UPRT: variants seen among roughly 807,000 people sequenced by gnomAD.
UPRT encodes the protein RP11-311P8.3.
A neutral mutation model predicts 22.6 loss-of-function variants in UPRT; 5 were observed. The observed-to-expected ratio is 0.22, with a 90% CI of 0.12 to 0.47. UPRT has a LOEUF of 0.47. Ranked by LOEUF, UPRT falls within the 20% of genes least tolerant of loss-of-function variation. The probability of loss-of-function intolerance (pLI) is 0.99; values close to 1 mark genes in which losing one functional copy is unlikely to be tolerated. For missense variants in UPRT, 181 were observed against 239.9 expected (o/e 0.75, Z 1.62); for synonymous variants, 77 against 87.7 (o/e 0.88, Z 0.68).
At chrX:75,225,323 C>CCA (rs57493246) in intron 4 of UPRT, among the ~76,000 whole-genome samples, 4,446 of 81,679 alleles carry the variant, frequency 0.054, 100 homozygotes, top group East Asian at 0.061. Context: ...AAACCAAAAA[C>CCA]CACACACACA....
At chrX:75,286,063 T>C (rs1244132756) in intron 1 of UPRT, among the ~76,000 whole-genome samples, 2 of 110,702 alleles carry the variant, frequency 1.8e-5, no homozygotes, top group Admixed American at 1.9e-4. Context: ...AAATGAAACA[T>C]TCCTTTGGTT....
chrX:75,165,372 T>TAAAC (rs1484568439), intron 3 of UPRT, among the ~76,000 whole-genome samples: 2 of 111,861 alleles, frequency 1.8e-5, no homozygotes, highest in East Asian at 5.6e-4. Flanking sequence ...ATGTAAAAGG[T>TAAAC]AAACAAGGGC....
intron 4 of UPRT, among the ~76,000 whole-genome samples, chrX:75,250,288 G>T (rs1346423947): frequency 9.1e-6 from 1 of 109,494 alleles, no homozygotes; most frequent in African/African-American, 3.3e-5. Context: ...TTTTTGAAAA[G>T]ATCAACAAAA....
At chrX:75,220,254 AAT>A (rs1277622493) in intron 4 of UPRT, among the ~76,000 whole-genome samples, 1 of 110,857 alleles carries the variant, frequency 9.0e-6, no homozygotes, top group African/African-American at 3.3e-5. Context: ...ATTAGTATAA[AAT>A]ATCATTTTTC....
intron 4 of UPRT, among the ~76,000 whole-genome samples, chrX:75,217,876 A>T (rs2082397936): frequency 1.8e-5 from 2 of 112,329 alleles, no homozygotes; most frequent in Non-Finnish European, 3.8e-5. Context: ...CACCTTATAC[A>T]AAAATTAATT....
rs1356255667 is a variant in UPRT at position 75,300,850 on chromosome X, T to C, written c.725-17T>C. ...ATGTTAAGGTTGCTAATTCATTTGG[T>C]TATCTTTTGATTTCAGGCACTGGAA... is the stretch of plus-strand genomic sequence containing the variant. On this transcript the variant is annotated splice_polypyrimidine_tract_variant and intron_variant, in intron 5 of 6. Coordinates refer to ENST00000373383, the MANE Select transcript of UPRT (RefSeq NM_145052.4). 3.5e-6 allele frequency: 4 copies of C among 1,156,265 alleles called. No homozygotes were observed. Among genetic ancestry groups the C allele is most frequent in the Admixed American group, 2.5e-5 (1 of 40,496 alleles).
intron 4 of UPRT, among the ~76,000 whole-genome samples, chrX:75,196,853 AG>A (rs1366896128): frequency 1.8e-5 from 2 of 111,092 alleles, no homozygotes; most frequent in South Asian, 7.6e-4. Context: ...TCTCAAAAAA[AG>A]ATAATAATAA....
intron 4 of UPRT, among the ~76,000 whole-genome samples, chrX:75,264,863 T>C (rs2082582097): frequency 8.9e-6 from 1 of 112,194 alleles, no homozygotes; most frequent in Non-Finnish European, 1.9e-5. Flanking sequence ...GGAGCTCTTT[T>C]AGGGCAGGCC....
intron 1 of UPRT, among the ~76,000 whole-genome samples, chrX:75,160,370 G>A (rs892444194): frequency 3.6e-5 from 4 of 111,227 alleles, no homozygotes. Context: ...CTTACATGTT[G>A]TCAGTTAGCC....
chrX:75,171,285 T>A (rs918486461), intron 4 of UPRT, among the ~76,000 whole-genome samples: 1 of 111,820 alleles, frequency 8.9e-6, no homozygotes, highest in African/African-American at 3.2e-5. Flanking sequence ...TATTTTTTCT[T>A]TGTCTTTGTT....
At chrX:75,291,046 G>A (rs2082704984) in intron 1 of UPRT, among the ~76,000 whole-genome samples, 1 of 111,906 alleles carries the variant, frequency 8.9e-6, no homozygotes. Context: ...TTTTTAAAAT[G>A]ACTGCCTTTG....
chrX:75,269,537 G>T (rs975005620), upstream of UPRT, among the ~76,000 whole-genome samples: 5 of 111,575 alleles, frequency 4.5e-5, no homozygotes, highest in Admixed American at 2.9e-4. Flanking sequence ...AAACAGCATG[G>T]TACTGGTACC....
intron 4 of UPRT, among the ~76,000 whole-genome samples, chrX:75,176,829 C>T (rs940794528): frequency 3.6e-5 from 4 of 111,176 alleles, no homozygotes; most frequent in African/African-American, 6.6e-5. Flanking sequence ...CATTTGCCTT[C>T]CCTCCTACAG....
At chrX:75,241,070 A>G (rs2082486851) in intron 4 of UPRT, among the ~76,000 whole-genome samples, 1 of 105,785 alleles carries the variant, frequency 9.5e-6, no homozygotes, top group Non-Finnish European at 1.9e-5. Flanking sequence ...AAATAAAGAT[A>G]GATGGAACTT....
intron 4 of UPRT, among the ~76,000 whole-genome samples, chrX:75,216,483 A>T (rs1282205398): frequency 1.8e-5 from 2 of 112,432 alleles, no homozygotes; most frequent in African/African-American, 6.5e-5. Context: ...TCTGAAGTCT[A>T]CTCGTGGGTT....
chrX:75,246,614 A>T (rs2147656783), intron 4 of UPRT, among the ~76,000 whole-genome samples: 1 of 111,537 alleles, frequency 9.0e-6, no homozygotes, highest in Admixed American at 9.5e-5. Flanking sequence ...CTTTGGGTAT[A>T]TACCCAGTAA....
chrX:75,172,210 C>T (rs1181262220), intron 4 of UPRT, among the ~76,000 whole-genome samples: 1 of 110,815 alleles, frequency 9.0e-6, no homozygotes, highest in Non-Finnish European at 1.9e-5. Flanking sequence ...TAGGTGGGGG[C>T]AGGGTTAGGC....
At chrX:75,253,087 A>C (rs1010282439) in intron 4 of UPRT, among the ~76,000 whole-genome samples, 2 of 111,208 alleles carry the variant, frequency 1.8e-5, no homozygotes, top group Non-Finnish European at 3.8e-5. Context: ...GATATACCTA[A>C]TGCTAAATGA....
At chrX:75,280,573 T>G (rs1168394697) in intron 1 of UPRT, among the ~76,000 whole-genome samples, 1 of 111,700 alleles carries the variant, frequency 9.0e-6, no homozygotes, top group Non-Finnish European at 1.9e-5. Context: ...CGAAGATCAG[T>G]TGGCTATAAG....
Sources: allele counts gnomAD v4.1 joint callset (sites outside exome capture counted in the v4.1 genomes callset), GRCh38; gene constraint gnomAD v4.1.1; transcripts MANE v1.5; gene names NCBI Gene and HGNC (gene_info 2026-07-23, HGNC 2026-07-21).